Variants in ARNT2 observed in about 807,000 individuals in gnomAD.
The protein encoded by ARNT2 is ARNT protein 2.
In ARNT2, 36 loss-of-function variants were observed where a neutral mutation model predicts 91.7. That is an observed-to-expected ratio of 0.39 (90% CI 0.30 to 0.52). ARNT2 has a LOEUF of 0.52. ARNT2 is among the 20% of genes least tolerant of loss of function. The pLI is 0.72. For synonymous variants in ARNT2, 365 were observed against 347.1 expected, an observed-to-expected ratio of 1.05 and a Z score of -0.57; for missense variants, 775 against 939.3, an observed-to-expected ratio of 0.83 and a Z score of 2.29.
chr15:80,410,276 C>T (rs780181828), intron 1 of ARNT2, among the ~76,000 whole-genome samples: 5 of 152,142 alleles, frequency 3.3e-5, no homozygotes, highest in East Asian at 1.9e-4. Context: ...CCCTTGGGCA[C>T]GACATGTCCT....
At chr15:80,555,408 G>T (rs536114575) in intron 11 of ARNT2, 16 of 421,260 alleles carry the variant, frequency 3.8e-5, no homozygotes, top group Non-Finnish European at 6.9e-5. Flanking sequence ...TTAACTGCAT[G>T]GGGAAGAGGC....
chr15:80,439,745 G>A (rs566222520), intron 1 of ARNT2, among the ~76,000 whole-genome samples: 56 of 152,252 alleles, frequency 3.7e-4, no homozygotes, highest in African/African-American at 1.3e-3. Context: ...CAGCCACTGT[G>A]AAGAGGTCTC....
chr15:80,459,788 A>G (rs1260925920), intron 3 of ARNT2, among the ~76,000 whole-genome samples: 1 of 152,194 alleles, frequency 6.6e-6, no homozygotes, highest in Non-Finnish European at 1.5e-5. Flanking sequence ...TCCCCCATGA[A>G]AAATAAGGAA....
At chr15:80,429,208 G>A (rs758159980) in intron 1 of ARNT2, among the ~76,000 whole-genome samples, 15 of 152,184 alleles carry the variant, frequency 9.9e-5, no homozygotes, top group Admixed American at 6.5e-4. Context: ...ATGACCTGTG[G>A]CTGGGGCCCC....
intron 5 of ARNT2, among the ~76,000 whole-genome samples, chr15:80,500,405 A>T (rs1003779942): frequency 2.0e-5 from 3 of 152,054 alleles, no homozygotes; most frequent in Admixed American, 2.0e-4. Context: ...TTGCCATCTC[A>T]CTGTTCCTCC....
intron 12 of ARNT2, among the ~76,000 whole-genome samples, chr15:80,564,836 T>C (rs915048456): frequency 3.9e-5 from 6 of 152,164 alleles, no homozygotes; most frequent in Non-Finnish European, 8.8e-5. Context: ...TCCAGCTGCA[T>C]CCATGTTGCT....
intron 3 of ARNT2, among the ~76,000 whole-genome samples, chr15:80,466,617 T>C (rs889421303): frequency 1.1e-4 from 16 of 152,182 alleles, no homozygotes; most frequent in African/African-American, 3.9e-4. Context: ...GCAAACATGA[T>C]CTTGGAGATA....
intron 5 of ARNT2, among the ~76,000 whole-genome samples, chr15:80,503,671 C>A (rs950331493): frequency 1.3e-5 from 2 of 152,174 alleles, no homozygotes; most frequent in African/African-American, 4.8e-5. Flanking sequence ...AAAAAGATGC[C>A]GTCTGTGAAG....
chr15:80,534,819 G>A (rs1203831247), intron 8 of ARNT2, among the ~76,000 whole-genome samples: 2 of 152,184 alleles, frequency 1.3e-5, no homozygotes, highest in Admixed American at 6.5e-5. Flanking sequence ...GCTAAGAAGT[G>A]CTATAGGAAT....
At position 80,525,694 on chromosome 15, in the gene ARNT2, A is replaced by G. The variant is rs541098513; in HGVS notation, c.877+11289A>G. ...TCTGCTTTCCCAGAAATCTTTTAAG[A>G]TGGTAGAGGCAATCATCTAGCTTAG... On this transcript the variant is annotated intron_variant, in intron 8 of 18. Transcript: ENST00000303329. 2.0e-5 allele frequency among the ~76,000 whole-genome samples: 3 copies of G among 152,284 alleles called. No homozygotes were observed. The East Asian group carries it at 5.8e-4, about 29-fold the overall frequency.
At position 80,578,056 on chromosome 15, in the gene ARNT2, AGCACGCACTG is replaced by A. The variant is rs372582897; in HGVS notation, c.1613+1092_1613+1101del. On this transcript the variant is annotated intron_variant, in intron 15 of 18. Transcript: ENST00000303329. The stretch of plus-strand genomic sequence containing the variant: ...TGGCTGCTGAGTTACTCAGCTACTC[AGCACGCACTG>A]ACCGATCTCCGTTGATGCCAAGCCC... Among the ~76,000 whole-genome samples, 205 of 152,330 alleles carry A rather than the reference AGCACGCACTG, an allele frequency of 1.3e-3. 1 individual carries two copies. Among genetic ancestry groups the A allele is most frequent in the African/African-American group, 4.7e-3 (197 of 41,576 alleles).
At chr15:80,505,394 G>A (rs1304837714) in intron 5 of ARNT2, among the ~76,000 whole-genome samples, 1 of 152,200 alleles carries the variant, frequency 6.6e-6, no homozygotes, top group Admixed American at 6.5e-5. Flanking sequence ...GCACTTCAGA[G>A]GCAGGAAGTG....
intron 5 of ARNT2, among the ~76,000 whole-genome samples, chr15:80,502,098 G>A (rs188634991): frequency 0.014 from 2,094 of 152,296 alleles, 29 homozygotes; most frequent in East Asian, 0.04. Context: ...GAAGCTCATA[G>A]CTCTGTACCA....
At position 80,587,253 on chromosome 15, in the gene ARNT2, A is replaced by T. The variant is rs185102981; in HGVS notation, c.1919-4315A>T. On this transcript the variant is annotated intron_variant, in intron 17 of 18. Transcript: ENST00000303329. ...GGGTTTCTCAGTGTCAGCACTATTGACATTTTAGGCTGGATAATTCTTTGT... is the reference window on the plus strand; with the variant it reads ...GGGTTTCTCAGTGTCAGCACTATTGTCATTTTAGGCTGGATAATTCTTTGT... 2.6e-5 allele frequency among the ~76,000 whole-genome samples: 4 copies of T among 151,860 alleles called. No individual in the cohort carries two copies. The East Asian group carries it at 5.8e-4, about 22-fold the overall frequency.
intron 8 of ARNT2, among the ~76,000 whole-genome samples, chr15:80,547,781 A>G (rs1566998252): frequency 6.6e-6 from 1 of 152,226 alleles, no homozygotes; most frequent in Non-Finnish European, 1.5e-5. Context: ...ACATGGTGGT[A>G]TTAACAAGTG....
Position 80,576,984 on chromosome 15 carries a change from G to C in ARNT2, c.1613+19G>C, listed in dbSNP as rs1051475126. 5 of 1,611,416 alleles carry C rather than the reference G, an allele frequency of 3.1e-6. No homozygotes were observed. The highest frequency in any genetic ancestry group is 4.2e-6 in the Non-Finnish European group (5 of 1,177,782). On this transcript the variant is annotated intron_variant, in intron 15 of 18. Transcript: ENST00000303329. ...CCTTCAGGTATGTGCCAGCGAGGGG[G>C]ACAATGGCGTGGGAAGATGCTCCCT...
chr15:80,472,951 G>A (rs117845518), intron 4 of ARNT2, among the ~76,000 whole-genome samples: 308 of 152,288 alleles, frequency 2.0e-3, no homozygotes, highest in Non-Finnish European at 3.9e-3. Context: ...GATTATGAAA[G>A]TGGCGTGAAG....
intron 11 of ARNT2, among the ~76,000 whole-genome samples, chr15:80,559,892 G>A (rs916057577): frequency 5.9e-5 from 9 of 152,198 alleles, no homozygotes; most frequent in African/African-American, 1.7e-4. Context: ...GCACAGCCAC[G>A]TGTATCACCC....
rs564737143 is a variant in ARNT2 at position 80,507,227 on chromosome 15, A to T, written c.623-929A>T. Among the ~76,000 whole-genome samples the T allele has an allele frequency of 6.6e-5, 10 of 152,296 alleles. No individual in the cohort carries two copies. In the South Asian group the frequency reaches 1.9e-3, roughly 28 times the overall value. ...GAGAGGGTAGAAATAGCCACGTGGG[A>T]GGAGGTCAGTTGATGGCCCAGAACC... On this transcript the variant is annotated intron_variant, in intron 5 of 18. Coordinates refer to ENST00000303329, the MANE Select transcript of ARNT2 (RefSeq NM_014862.4).
Sources: gnomAD v4.1 joint callset for allele counts (sites outside exome capture counted in the v4.1 genomes callset) on GRCh38, gnomAD v4.1.1 for gene constraint, MANE v1.5 for transcripts, NCBI Gene and HGNC (gene_info 2026-07-23, HGNC 2026-07-21) for gene names.